The following SLC12A2 variants were observed in gnomAD, a reference collection of about 807,000 sequenced individuals.
The protein encoded by SLC12A2 is Na-K-2Cl cotransporter 1.
Under a neutral mutation model 136.3 loss-of-function variants are expected in SLC12A2, and 67 were observed. The observed-to-expected ratio is 0.49, with a 90% CI of 0.40 to 0.60. SLC12A2 has a LOEUF of 0.60. Among genes scored for constraint, SLC12A2 ranks in the 20% least tolerant of loss-of-function variants. SLC12A2 has a pLI of 0.00. For synonymous variants in SLC12A2, 619 were observed against 562.9 expected (o/e 1.10, Z -1.41); for missense variants, 1,322 against 1,534.7 (o/e 0.86, Z 2.32).
At chr5:128,155,336 A>C (rs934070399) in intron 15 of SLC12A2, among the ~76,000 whole-genome samples, 2 of 152,132 alleles carry the variant, frequency 1.3e-5, no homozygotes, top group African/African-American at 2.4e-5. Context: ...GACATTATCA[A>C]CTGATGTCTT....
At chr5:128,166,536 T>C (rs930828005) in intron 17 of SLC12A2, among the ~76,000 whole-genome samples, 5 of 152,026 alleles carry the variant, frequency 3.3e-5, no homozygotes, top group Non-Finnish European at 7.4e-5. Flanking sequence ...AATGAAGTTC[T>C]ACAACATGGA....
intron 1 of SLC12A2, among the ~76,000 whole-genome samples, chr5:128,091,084 G>C (rs1044325387): frequency 2.0e-5 from 3 of 152,198 alleles, no homozygotes; most frequent in Non-Finnish European, 4.4e-5. Context: ...TACTGCAATG[G>C]TTCCATTAAG....
At chr5:128,133,690 T>C (rs560007234) in intron 5 of SLC12A2, among the ~76,000 whole-genome samples, 55 of 152,190 alleles carry the variant, frequency 3.6e-4, no homozygotes, top group Middle Eastern at 3.4e-3. Context: ...GCCATTGATA[T>C]TAAACTACAA....
intron 17 of SLC12A2, among the ~76,000 whole-genome samples, chr5:128,163,115 G>A (rs962791027): frequency 3.7e-4 from 57 of 152,122 alleles, no homozygotes; most frequent in Non-Finnish European, 7.4e-5. Context: ...GGACAACAAC[G>A]CTGTCCAAAA....
intron 9 of SLC12A2, among the ~76,000 whole-genome samples, chr5:128,140,109 G>T (rs1022755856): frequency 6.6e-6 from 1 of 151,830 alleles, no homozygotes; most frequent in Non-Finnish European, 1.5e-5. Context: ...AGCAATTCTC[G>T]TGCCTCACCC....
At chr5:128,120,510 C>G (rs2126680560) in intron 4 of SLC12A2, among the ~76,000 whole-genome samples, 1 of 151,568 alleles carries the variant, frequency 6.6e-6, no homozygotes, top group East Asian at 1.9e-4. Flanking sequence ...ACATATACAC[C>G]ATGGAATACT....
chr5:128,148,626 G>T, intron 11 of SLC12A2, 128 bp from the exon 12 acceptor site: 1 of 671,956 alleles, frequency 1.5e-6, no homozygotes, highest in East Asian at 2.9e-5. Flanking sequence ...AGCAGTATCT[G>T]GGACAGGATA....
intron 1 of SLC12A2, among the ~76,000 whole-genome samples, chr5:128,098,002 G>A (rs1275206399): frequency 6.6e-6 from 1 of 151,980 alleles, no homozygotes; most frequent in Non-Finnish European, 1.5e-5. Context: ...TTTTCAGTAT[G>A]CCATTTCAAT....
At chr5:128,184,580 G>C (rs1763809056) in intron 25 of SLC12A2, 79 bp downstream of exon 25, 1 of 1,337,148 alleles carries the variant, frequency 7.5e-7, no homozygotes, top group African/African-American at 1.5e-5. Context: ...TTTGATATAG[G>C]AGGGTCAGTT....
intron 1 of SLC12A2, chr5:128,110,160 A>G (rs1180687551): frequency 1.2e-6 from 1 of 839,170 alleles, no homozygotes; most frequent in Non-Finnish European, 2.1e-6. Context: ...TAGAAAGGTG[A>G]AGATGCCAGA....
intron 21 of SLC12A2, chr5:128,177,428 G>A (rs1277418708): frequency 3.7e-6 from 1 of 268,404 alleles, no homozygotes; most frequent in Non-Finnish European, 6.9e-6. Context: ...AATTTAAACT[G>A]CATGGTTTAG....
At chr5:128,094,728 T>C (rs1174560096) in intron 1 of SLC12A2, among the ~76,000 whole-genome samples, 1 of 152,138 alleles carries the variant, frequency 6.6e-6, no homozygotes, top group East Asian at 1.9e-4. Context: ...TTGTATTTCC[T>C]CTGCCATCCC....
intron 10 of SLC12A2, among the ~76,000 whole-genome samples, chr5:128,144,188 G>T (rs1016167933): frequency 6.6e-6 from 1 of 152,110 alleles, no homozygotes; most frequent in Non-Finnish European, 1.5e-5. Flanking sequence ...AGATAGAAAA[G>T]TTTGTTGTCT....
intron 1 of SLC12A2, among the ~76,000 whole-genome samples, chr5:128,111,145 A>G (rs79717886): frequency 2.0e-5 from 3 of 152,232 alleles, no homozygotes; most frequent in Admixed American, 2.0e-4. Flanking sequence ...CAGTATTCTC[A>G]TGACTGTACT....
intron 4 of SLC12A2, among the ~76,000 whole-genome samples, chr5:128,126,958 A>T (rs1561673497): frequency 2.5e-4 from 7 of 28,492 alleles, no homozygotes; most frequent in African/African-American, 1.5e-3. Flanking sequence ...ATATATATAT[A>T]TATATATATT....
At chr5:128,101,844 C>T (rs183986965) in intron 1 of SLC12A2, among the ~76,000 whole-genome samples, 2 of 152,298 alleles carry the variant, frequency 1.3e-5, no homozygotes, top group East Asian at 3.9e-4. Flanking sequence ...CATTCTTGTG[C>T]TATACTGTGT....
chr5:128,170,000 A>T lies in SLC12A2; in HGVS notation c.2724-1667A>T, dbSNP rs768132289. On this transcript the variant is annotated intron_variant, in intron 18 of 26. Transcript: ENST00000262461. Reference sequence around the variant, plus strand: ...AACCATGTAAATTAATAGCAGTTTCACAGCAGTGACACTGCTCATTCTTTA... The same window carrying T: ...AACCATGTAAATTAATAGCAGTTTCTCAGCAGTGACACTGCTCATTCTTTA... 1.4e-4 allele frequency: 22 copies of T among 152,178 alleles called. 1 individual carries two copies. Among genetic ancestry groups the T allele is most frequent in the Non-Finnish European group, 1.9e-4 (13 of 68,016 alleles). 9.4% of individuals were successfully genotyped at this position (152,178 alleles called of 1,614,324 possible).
At chr5:128,129,190 C>T (rs538210482) in intron 4 of SLC12A2, among the ~76,000 whole-genome samples, 45 of 152,114 alleles carry the variant, frequency 3.0e-4, no homozygotes, top group African/African-American at 1.1e-3. Flanking sequence ...ATTTTCTCAT[C>T]TATAAAATCA....
intron 1 of SLC12A2, among the ~76,000 whole-genome samples, chr5:128,104,680 T>C (rs1430475837): frequency 6.7e-6 from 1 of 150,294 alleles, no homozygotes. Flanking sequence ...GATATATAGA[T>C]ATAGATATAG....
Sources: allele counts gnomAD v4.1 joint callset (sites outside exome capture counted in the v4.1 genomes callset), GRCh38; gene constraint gnomAD v4.1.1; transcripts MANE v1.5; gene names NCBI Gene and HGNC (gene_info 2026-07-23, HGNC 2026-07-21).